The following TFDP2 variants were observed in gnomAD, a reference collection of about 807,000 sequenced individuals.
TFDP2 encodes transcription factor Dp-2 (E2F dimerization partner 2).
TFDP2 carries 17 observed loss-of-function variants against 59.3 expected under a neutral mutation model. The observed-to-expected ratio is 0.29, with a 90% confidence interval of 0.20 to 0.43. TFDP2 has a LOEUF of 0.43. Among genes scored for constraint, TFDP2 ranks in the 20% least tolerant of loss-of-function variants. The pLI, the probability that TFDP2 is intolerant of heterozygous loss-of-function variation, is 1.00. For synonymous variants in TFDP2, 180 were observed against 194.7 expected, an observed-to-expected ratio of 0.92 and a Z score of 0.63; for missense variants, 391 against 528.8, an observed-to-expected ratio of 0.74 and a Z score of 2.56.
intron 3 of TFDP2, chr3:142,044,054 G>C (rs1335080747): frequency 3.1e-6 from 2 of 654,226 alleles, no homozygotes; most frequent in African/African-American, 3.6e-5. Flanking sequence ...CTGATGATCA[G>C]CTCATCTTTG....
intron 4 of TFDP2, among the ~76,000 whole-genome samples, chr3:142,000,834 T>C (rs1943698721): frequency 6.6e-6 from 1 of 152,126 alleles, no homozygotes; most frequent in Non-Finnish European, 1.5e-5. Flanking sequence ...AGGGCAAACA[T>C]TAACTTTTAA....
intron 3 of TFDP2, among the ~76,000 whole-genome samples, chr3:142,019,255 G>T (rs890253316): frequency 6.6e-6 from 1 of 151,880 alleles, no homozygotes; most frequent in African/African-American, 2.4e-5. Flanking sequence ...GTAGAGACGG[G>T]GTTTCACCGT....
Position 141,969,944 on chromosome 3 carries a change from G to A in TFDP2, c.732+129C>T, listed in dbSNP as rs979828680. Reference sequence around the variant, plus strand: ...CGTGGATGGCAACAAGCTAGGAGGTGAGAGAGGCTGCCCTGGCGTGGGCTC... The same window carrying A: ...CGTGGATGGCAACAAGCTAGGAGGTAAGAGAGGCTGCCCTGGCGTGGGCTC... On this transcript the variant is annotated intron_variant, in intron 9 of 12. Transcript: ENST00000489671. 7 of 849,630 alleles carry A rather than the reference G, an allele frequency of 8.2e-6. No homozygotes were observed. In the African/African-American group the frequency reaches 8.3e-5, roughly 10 times the overall value. 52.6% of individuals were successfully genotyped at this position (849,630 alleles called of 1,614,324 possible).
intron 6 of TFDP2, among the ~76,000 whole-genome samples, chr3:141,983,656 G>A (rs1374933650): frequency 6.7e-6 from 1 of 148,992 alleles, no homozygotes; most frequent in Non-Finnish European, 1.5e-5. Flanking sequence ...AGACTTAATA[G>A]TCATTTATCC....
At chr3:141,962,972 T>G (rs1197634234) in intron 10 of TFDP2, among the ~76,000 whole-genome samples, 1 of 152,188 alleles carries the variant, frequency 6.6e-6, no homozygotes, top group Non-Finnish European at 1.5e-5. Flanking sequence ...TTACCTCAAG[T>G]CATTATAGAC....
intron 3 of TFDP2, among the ~76,000 whole-genome samples, chr3:142,040,341 C>G (rs1337166117): frequency 2.6e-5 from 4 of 152,174 alleles, no homozygotes; most frequent in African/African-American, 9.6e-5. Context: ...GCCTGTAATC[C>G]CAGTACTTTG....
intron 11 of TFDP2, among the ~76,000 whole-genome samples, chr3:141,954,643 C>CA (rs869146363): frequency 7.3e-6 from 1 of 136,298 alleles, no homozygotes; most frequent in Non-Finnish European, 1.6e-5. Context: ...CAAAAAAAAA[C>CA]AAAAAAACAA....
At chr3:142,070,051 A>G (rs2060193957) in intron 3 of TFDP2, among the ~76,000 whole-genome samples, 3 of 150,284 alleles carry the variant, frequency 2.0e-5, no homozygotes, top group South Asian at 4.3e-4. Flanking sequence ...GACTACAGGC[A>G]TGTGCCACCA....
intron 3 of TFDP2, among the ~76,000 whole-genome samples, chr3:142,005,855 G>C (rs765260595): frequency 2.6e-4 from 39 of 152,234 alleles, no homozygotes; most frequent in African/African-American, 6.7e-4. Flanking sequence ...AAAATTTTTA[G>C]AGAATATGTA....
intron 3 of TFDP2, among the ~76,000 whole-genome samples, chr3:142,033,396 A>G (rs761935866): frequency 4.6e-5 from 7 of 152,114 alleles, no homozygotes; most frequent in Non-Finnish European, 1.0e-4. Flanking sequence ...TTAAATTAGT[A>G]ATCCAAATTT....
At position 142,093,076 on chromosome 3, in the gene TFDP2, G is replaced by A; in HGVS notation, c.67C>T (p.Leu23Phe). Residue 23 changes from leucine (L) to phenylalanine (F), a missense_variant, in exon 3 of 13, where the codon CTC (leucine) becomes TTC (phenylalanine). Coordinates refer to ENST00000489671, the MANE Select transcript of TFDP2 (RefSeq NM_001178139.2). ...AEVRGFIDQN[L>F]SPTKGNISFV... ...TAATCCTTACCTTTTGTTGGACTGAGATTCTGATCTATAAATCCTCTTACT... is the reference window on the plus strand; with the variant it reads ...TAATCCTTACCTTTTGTTGGACTGAAATTCTGATCTATAAATCCTCTTACT... 1 of 1,537,494 alleles carries A rather than the reference G, an allele frequency of 6.5e-7. No homozygotes were observed. The highest frequency in any genetic ancestry group is 1.2e-5 in the South Asian group (1 of 82,978).
At chr3:141,969,297 A>C (rs1939343153) in intron 9 of TFDP2, among the ~76,000 whole-genome samples, 1 of 139,762 alleles carries the variant, frequency 7.2e-6, no homozygotes, top group African/African-American at 2.7e-5. Flanking sequence ...TAACCGGCCT[A>C]AATTTTGGTA....
rs190618477 is a variant in TFDP2 at position 141,953,946 on chromosome 3, G to A, written c.1052-930C>T. The stretch of plus-strand genomic sequence containing the variant: ...AGCATTTTGGGAGGCCAAGGAGGGC[G>A]GATCACCTGAAGTTGGGAGTTCTGT... On this transcript the variant is annotated intron_variant, in intron 11 of 12. Coordinates refer to ENST00000489671, the MANE Select transcript of TFDP2 (RefSeq NM_001178139.2). Among the ~76,000 whole-genome samples the A allele has an allele frequency of 1.7e-3, 252 of 151,138 alleles. 2 individuals are homozygous for A. The highest frequency in any genetic ancestry group is 5.8e-3 in the African/African-American group (238 of 41,140).
rs1944811219 is a variant in TFDP2 at position 142,012,634 on chromosome 3, T to C, written c.83-7090A>G. 2.6e-5 allele frequency among the ~76,000 whole-genome samples: 4 copies of C among 152,172 alleles called. No homozygotes were observed. The South Asian group carries it at 6.2e-4, about 24-fold the overall frequency. On this transcript the variant is annotated intron_variant, in intron 3 of 12. Coordinates refer to ENST00000489671, the MANE Select transcript of TFDP2 (RefSeq NM_001178139.2). ...CGTATTGCCATGGAAAAATGTCCTA[T>C]TATAAGAGAACACGATTACATTTAC...
intron 3 of TFDP2, among the ~76,000 whole-genome samples, chr3:142,082,742 T>C (rs1315460060): frequency 6.6e-6 from 1 of 152,126 alleles, no homozygotes; most frequent in Non-Finnish European, 1.5e-5. Flanking sequence ...ATGTAATATA[T>C]CATTTCAATG....
At chr3:141,989,517 A>G (rs576218960) in intron 6 of TFDP2, 6 of 152,348 alleles carry the variant, frequency 3.9e-5, no homozygotes, top group African/African-American at 1.2e-4. Context: ...TTTCAGCCCT[A>G]GGGGAGAAAT....
At chr3:142,094,492 A>G (rs1214847918) in intron 2 of TFDP2, among the ~76,000 whole-genome samples, 2 of 151,600 alleles carry the variant, frequency 1.3e-5, no homozygotes, top group Admixed American at 6.6e-5. Context: ...TTTAGTAGAG[A>G]AGGGGTTTCA....
chr3:141,995,071 G>A lies in TFDP2; in HGVS notation c.257C>T (p.Pro86Leu). 3 of 1,609,458 alleles carry A rather than the reference G, an allele frequency of 1.9e-6. No homozygotes were observed. The highest frequency in any genetic ancestry group is 2.5e-6 in the Non-Finnish European group (3 of 1,177,562). Residue 86 changes from proline to leucine, a missense_variant, in exon 5 of 13, where the codon CCA becomes CTA. Pro to Leu is a moderately conservative substitution (Grantham distance 98). Coordinates refer to ENST00000489671, the MANE Select transcript of TFDP2 (RefSeq NM_001178139.2). ...TATGTGTGTCTGAGTAACCATTGCT[G>A]GTGCAGGGGTATATGGACTCCCAAT... ...VLIGSPYTPA[P>L]AMVTQTHIAE...
chr3:141,980,238 TAA>T (rs199763613), intron 6 of TFDP2, among the ~76,000 whole-genome samples: 20 of 111,274 alleles, frequency 1.8e-4, no homozygotes, highest in Non-Finnish European at 2.5e-4. Context: ...GTTTCAAAAG[TAA>T]AAAAAAAAAA....
Sources: allele counts gnomAD v4.1 joint callset (sites outside exome capture counted in the v4.1 genomes callset), GRCh38; gene constraint gnomAD v4.1.1; transcripts MANE v1.5; gene names NCBI Gene and HGNC (gene_info 2026-07-23, HGNC 2026-07-21).